SPG7: variants seen among roughly 807,000 people sequenced by gnomAD.
SPG7 encodes the protein SPG7 matrix AAA peptidase subunit, paraplegin.
In SPG7, 103 loss-of-function variants were observed where a neutral mutation model predicts 81.9. The observed-to-expected ratio is 1.26, with a 90% CI of 1.07 to 1.48. The LOEUF (loss-of-function observed/expected upper bound fraction) is 1.48, where lower values mean the gene tolerates loss of function less well. Among genes scored for constraint, SPG7 ranks in the 40% most tolerant of loss-of-function variants. The probability of loss-of-function intolerance (pLI) is 0.00; values close to 1 mark genes in which losing one functional copy is unlikely to be tolerated. For missense variants in SPG7, 1,241 were observed against 1,087.3 expected, an observed-to-expected ratio of 1.14 and a Z score of -1.99; for synonymous variants, 534 against 444.2, an observed-to-expected ratio of 1.20 and a Z score of -2.54.
Position 89,554,514 on chromosome 16 carries a change from A to T in SPG7, c.2132A>T (p.Tyr711Phe). 1 of 1,609,584 alleles carries T rather than the reference A, an allele frequency of 6.2e-7. No homozygotes were observed. Among genetic ancestry groups the T allele is most frequent in the South Asian group, 1.1e-5 (1 of 91,046 alleles). ...GCAAGACTGCTGGTGGCCAAGGCCT[A>T]CAGACACACCGAGAAGGTGCTGCAG... is the stretch of plus-strand genomic sequence containing the variant. ...HEARLLVAKA[Y>F]RHTEKVLQDN... The change falls in exon 16 of 17, where the codon TAC becomes TTC. Residue 711 changes from tyrosine (Y) to phenylalanine (F), a missense_variant. By Grantham distance (22) the Tyr-to-Phe change is conservative. Transcript: ENST00000645818.
intron 4 of SPG7, 77 bp downstream of exon 4, chr16:89,524,324 T>C: frequency 6.6e-7 from 1 of 1,513,752 alleles, no homozygotes; most frequent in South Asian, 1.2e-5. Flanking sequence ...GGCTGTGGGC[T>C]CCTGTGAATG....
intron 16 of SPG7, chr16:89,555,127 G>C (rs2152412611): frequency 6.4e-6 from 1 of 157,132 alleles, no homozygotes; most frequent in South Asian, 1.8e-4. Flanking sequence ...CTGTCACGAG[G>C]CTGGAGTGCA....
intron 12 of SPG7, chr16:89,549,297 G>C (rs1030181650): frequency 2.3e-6 from 1 of 443,934 alleles, no homozygotes; most frequent in African/African-American, 2.0e-5. Context: ...GACACTTACA[G>C]ATGTGTGGAA....
chr16:89,512,616 A>C (rs1275970815), intron 2 of SPG7, among the ~76,000 whole-genome samples: 2 of 152,180 alleles, frequency 1.3e-5, no homozygotes, highest in African/African-American at 4.8e-5. Context: ...TGGCGTGTTT[A>C]AGTTCTTTTA....
At chr16:89,554,150 T>G (rs2058664819) in intron 15 of SPG7, among the ~76,000 whole-genome samples, 190 bp downstream of exon 15, 1 of 152,208 alleles carries the variant, frequency 6.6e-6, no homozygotes, top group Non-Finnish European at 1.5e-5. Flanking sequence ...AGGACATAGA[T>G]GCTCCTAATG....
At chr16:89,552,368 A>C (rs575589421) in intron 13 of SPG7, 1 of 157,624 alleles carries the variant, frequency 6.3e-6, no homozygotes, top group East Asian at 1.9e-4. Context: ...GCCTAGTTTT[A>C]GATTTTAAAT....
At chr16:89,512,046 G>C (rs1347937347) in intron 2 of SPG7, among the ~76,000 whole-genome samples, 1 of 151,934 alleles carries the variant, frequency 6.6e-6, no homozygotes, top group Non-Finnish European at 1.5e-5. Flanking sequence ...CAAGTAGCTG[G>C]GATTACAGGT....
At chr16:89,541,440 T>A in intron 9 of SPG7, 1 of 656,680 alleles carries the variant, frequency 1.5e-6, no homozygotes, top group Non-Finnish European at 1.9e-6. Flanking sequence ...TTACTGGTTG[T>A]CAGCAGTTAG....
Position 89,537,697 on chromosome 16 carries a change from G to GA in SPG7, c.1324+5066dup, listed in dbSNP as rs1468010163. 3.0e-6 allele frequency: 3 copies of GA among 984,464 alleles called. No homozygotes were observed. In the African/African-American group the frequency reaches 5.2e-5, roughly 17 times the overall value. 61.0% of individuals were successfully genotyped at this position (984,464 alleles called of 1,614,324 possible). On this transcript the variant is annotated intron_variant, in intron 9 of 16. Coordinates refer to ENST00000645818, the MANE Select transcript of SPG7 (RefSeq NM_003119.4). ...GCCAGGCTCTGTTTTTTCAGTCTGT[G>GA]AAAAATAAAGTCATCAGCATGTGAG...
At chr16:89,522,120 T>C (rs1474590523) in intron 3 of SPG7, 1 of 152,260 alleles carries the variant, frequency 6.6e-6, no homozygotes, top group Non-Finnish European at 1.5e-5. Context: ...CTTTAAATAA[T>C]TGCCTTTGTG....
chr16:89,520,021 C>T (rs1443841903), intron 3 of SPG7: 1 of 152,254 alleles, frequency 6.6e-6, no homozygotes, highest in Non-Finnish European at 1.5e-5. Flanking sequence ...TGCAGGCTGC[C>T]GTCCACGAGG....
intron 10 of SPG7, 42 bp downstream of exon 10, chr16:89,544,814 G>C (rs771842829): frequency 6.2e-7 from 1 of 1,611,388 alleles, no homozygotes; most frequent in Middle Eastern, 1.7e-4. Context: ...CACCTGGGCC[G>C]CCCCCACTCG....
intron 6 of SPG7, chr16:89,529,869 C>T (rs144622138): frequency 2.3e-4 from 98 of 421,746 alleles, no homozygotes; most frequent in Admixed American, 2.5e-4. Flanking sequence ...GACGGAGTTT[C>T]GCCCTTCTTG....
intron 4 of SPG7, among the ~76,000 whole-genome samples, chr16:89,525,109 A>G (rs2058243624): frequency 6.6e-6 from 1 of 151,546 alleles, no homozygotes; most frequent in South Asian, 2.1e-4. Flanking sequence ...GCAGGCGCGC[A>G]CCACCACACT....
At position 89,529,554 on chromosome 16, in the gene SPG7, G is replaced by A. The variant is rs760353440; in HGVS notation, c.836G>A (p.Gly279Glu). The change falls in exon 6 of 17, where the codon GGA becomes GAA. Residue 279 changes from glycine to glutamate, a missense_variant. Physicochemically the swap from Gly to Glu is moderately conservative, Grantham distance 98. Transcript: ENST00000645818. ...WYVFRLAGMT[G>E]REGGFSAFNQ... ...GTTTTCCGTCTGGCCGGGATGACTG[G>A]AAGGGAAGGTGGATTCAGTGCTTTT... The A allele has an allele frequency of 4.1e-5, 66 of 1,613,796 alleles. No homozygotes were observed. Among genetic ancestry groups the A allele is most frequent in the Non-Finnish European group, 5.5e-5 (65 of 1,179,694 alleles).
chr16:89,557,426 G>C lies in SPG7; in HGVS notation c.*333G>C, dbSNP rs1214395294. The C allele has an allele frequency of 2.7e-6, 1 of 375,006 alleles. No individual in the cohort carries two copies. Among genetic ancestry groups the C allele is most frequent in the African/African-American group, 2.1e-5 (1 of 48,256 alleles). The allele number at this position is 375,006 out of a possible 1,614,324, so 23.2% of individuals were successfully genotyped here. On this transcript the variant is annotated 3_prime_UTR_variant, in exon 17 of 17. Transcript: ENST00000645818. ...CCACCCAGAGGCAGCAGAGCATTCA[G>C]ACTCCAAACAGACCCCTGTTCATGC...
intron 9 of SPG7, chr16:89,537,291 G>T (rs1597643951): frequency 7.1e-6 from 8 of 1,129,970 alleles, no homozygotes; most frequent in Non-Finnish European, 8.7e-6. Context: ...CAGAGCCCCC[G>T]GGAAGGGCGC....
chr16:89,526,796 C>T, intron 5 of SPG7: 1 of 362,652 alleles, frequency 2.8e-6, no homozygotes, highest in Admixed American at 3.9e-5. Flanking sequence ...ATGCCGAAGT[C>T]TCAGCCCCCG....
Position 89,526,471 on chromosome 16 carries a change from A to G in SPG7, c.758+3A>G, listed in dbSNP as rs1237307451. 6.2e-7 allele frequency: 1 copy of G among 1,614,040 alleles called. No homozygotes were observed. The highest frequency in any genetic ancestry group is 1.3e-5 in the African/African-American group (1 of 74,904). On this transcript the variant is annotated splice_donor_region_variant and intron_variant, in intron 5 of 16. Transcript: ENST00000645818. The stretch of plus-strand genomic sequence containing the variant: ...AAGCGAACAGGATTCTTTGGAAAGT[A>G]TGTTGGATGTATTTGTTGATGCTTG...
Sources: gnomAD v4.1 joint callset for allele counts (sites outside exome capture counted in the v4.1 genomes callset) on GRCh38, gnomAD v4.1.1 for gene constraint, MANE v1.5 for transcripts, NCBI Gene and HGNC (gene_info 2026-07-23, HGNC 2026-07-21) for gene names.